Variants in RFTN2 observed in about 807,000 individuals in gnomAD.
RFTN2 encodes the protein raftlin-2.
Under a neutral mutation model 52.7 loss-of-function variants are expected in RFTN2, and 34 were observed. The ratio of observed to expected loss-of-function variants is 0.64; its 90% CI spans 0.49 to 0.86. The LOEUF is 0.86. Ranked by LOEUF, RFTN2 falls within the 40% of genes least tolerant of loss-of-function variation. The probability of loss-of-function intolerance (pLI) is 0.00; values close to 1 mark genes in which losing one functional copy is unlikely to be tolerated. For missense variants in RFTN2, 536 were observed against 600.1 expected (o/e 0.89, Z 1.12); for synonymous variants, 203 against 217.7 (o/e 0.93, Z 0.59).
intron 8 of RFTN2, among the ~76,000 whole-genome samples, chr2:197,588,256 T>C (rs1201489170): frequency 1.3e-5 from 2 of 152,250 alleles, no homozygotes; most frequent in African/African-American, 2.4e-5. Flanking sequence ...AGACGATGTA[T>C]AGAAACAGTA....
intron 8 of RFTN2, among the ~76,000 whole-genome samples, chr2:197,578,590 G>A (rs190494882): frequency 6.6e-6 from 1 of 152,082 alleles, no homozygotes; most frequent in Admixed American, 6.5e-5. Flanking sequence ...AGCCCTGCCC[G>A]CCAGAGAACA....
At chr2:197,651,704 A>G (rs2088830292) in intron 1 of RFTN2, among the ~76,000 whole-genome samples, 1 of 152,200 alleles carries the variant, frequency 6.6e-6, no homozygotes, top group Non-Finnish European at 1.5e-5. Flanking sequence ...TTCTTCTAGG[A>G]GTTTTATAGG....
intron 8 of RFTN2, among the ~76,000 whole-genome samples, chr2:197,594,979 T>C (rs991916209): frequency 9.2e-5 from 14 of 152,256 alleles, no homozygotes; most frequent in Admixed American, 6.5e-4. Context: ...CAACGTTTTC[T>C]TGATTTAGAT....
chr2:197,614,007 A>G (rs1001132717), intron 7 of RFTN2, among the ~76,000 whole-genome samples: 1 of 152,216 alleles, frequency 6.6e-6, no homozygotes, highest in Non-Finnish European at 1.5e-5. Flanking sequence ...CAACTTTGAC[A>G]GTTTAAAATG....
At chr2:197,620,323 C>A (rs2088240982) in intron 5 of RFTN2, among the ~76,000 whole-genome samples, 2 of 152,060 alleles carry the variant, frequency 1.3e-5, no homozygotes, top group South Asian at 4.2e-4. Flanking sequence ...AACCAGCTGG[C>A]CTACACAAAC....
rs750346710 is a variant in RFTN2 at position 197,644,157 on chromosome 2, C to A, written c.438+1G>T. 1 of 1,553,692 alleles carries A rather than the reference C, an allele frequency of 6.4e-7. No homozygotes were observed. On this transcript the variant is annotated splice_donor_variant, in intron 3 of 8. Coordinates refer to ENST00000295049, the MANE Select transcript of RFTN2 (RefSeq NM_144629.3). LOFTEE classifies it high-confidence loss of function. ...CATGAAAAAGTGCATAAATTTAGTACCTTTTCTATCAGTTCTTTTGCTGCG... is the reference window on the plus strand; with the variant it reads ...CATGAAAAAGTGCATAAATTTAGTAACTTTTCTATCAGTTCTTTTGCTGCG...
At chr2:197,629,266 TA>T (rs562369212) in intron 5 of RFTN2, among the ~76,000 whole-genome samples, 63 of 152,210 alleles carry the variant, frequency 4.1e-4, no homozygotes, top group Middle Eastern at 3.4e-3. Flanking sequence ...TATGCAGCCA[TA>T]AAAAAGGATG....
At chr2:197,581,128 G>C (rs1368699102) in intron 8 of RFTN2, among the ~76,000 whole-genome samples, 1 of 152,016 alleles carries the variant, frequency 6.6e-6, no homozygotes, top group Non-Finnish European at 1.5e-5. Flanking sequence ...AGGCTTTAAG[G>C]GGATTAAAGC....
intron 5 of RFTN2, among the ~76,000 whole-genome samples, chr2:197,619,358 A>G (rs954519242): frequency 1.3e-5 from 2 of 152,130 alleles, no homozygotes; most frequent in African/African-American, 2.4e-5. Context: ...CTGTGTAGAA[A>G]GAGGTAGACA....
At chr2:197,645,887 G>A (rs1439203719) in intron 2 of RFTN2, among the ~76,000 whole-genome samples, 1 of 152,156 alleles carries the variant, frequency 6.6e-6, no homozygotes, top group African/African-American at 2.4e-5. Context: ...TTAGCTGGCT[G>A]TGGTGGCAGG....
rs538614078 is a variant in RFTN2, at chr2:197,591,515, G to A, written c.1233+4476C>T. On this transcript the variant is annotated intron_variant, in intron 8 of 8. Coordinates refer to ENST00000295049, the MANE Select transcript of RFTN2 (RefSeq NM_144629.3). ...CACCCAGTGGATACTGCACTGGGGCGGCAGGTGGAGCTGTCTGCCAGTCCC... is the reference window on the plus strand; with the variant it reads ...CACCCAGTGGATACTGCACTGGGGCAGCAGGTGGAGCTGTCTGCCAGTCCC... Among the ~76,000 whole-genome samples the A allele has an allele frequency of 1.3e-4, 20 of 152,346 alleles. 1 individual carries two copies. The South Asian group carries it at 3.7e-3, about 28-fold the overall frequency.
intron 3 of RFTN2, among the ~76,000 whole-genome samples, chr2:197,640,465 A>T (rs1447298350): frequency 1.3e-5 from 2 of 152,250 alleles, no homozygotes; most frequent in East Asian, 3.9e-4. Flanking sequence ...CGGTCCGAAA[A>T]GCGCAATATT....
chr2:197,637,663 A>G (rs1442117010), intron 3 of RFTN2, among the ~76,000 whole-genome samples: 1 of 151,656 alleles, frequency 6.6e-6, no homozygotes, highest in Non-Finnish European at 1.5e-5. Flanking sequence ...CGGTCTATCA[A>G]TTTTGTTGAT....
chr2:197,613,734 T>A lies in RFTN2; in HGVS notation c.1154+2142A>T, dbSNP rs1467998615. On this transcript the variant is annotated intron_variant, in intron 7 of 8. Transcript: ENST00000295049. ...CAAATGACCTTCATCCTATATTTCC[T>A]GTGTTGCAGGCACTTGGCAGGACTC... 3.3e-5 allele frequency among the ~76,000 whole-genome samples: 5 copies of A among 152,334 alleles called. No homozygotes were observed. The South Asian group carries it at 1.0e-3, about 32-fold the overall frequency.
In RFTN2 at chr2:197,605,360, C is replaced by T. The variant is rs560856870; in HGVS notation, c.1155-9291G>A. On this transcript the variant is annotated intron_variant, in intron 7 of 8. Coordinates refer to ENST00000295049, the MANE Select transcript of RFTN2 (RefSeq NM_144629.3). Reference sequence around the variant, plus strand: ...CCTCCCAAGTAGCTGGGACTACAGGCGCCCGCCACCACGCCCGGCTAATTT... The same window carrying T: ...CCTCCCAAGTAGCTGGGACTACAGGTGCCCGCCACCACGCCCGGCTAATTT... Among the ~76,000 whole-genome samples, 19 of 152,048 alleles carry T rather than the reference C, an allele frequency of 1.2e-4. No individual in the cohort carries two copies. In the South Asian group the frequency reaches 3.5e-3, roughly 28 times the overall value.
intron 3 of RFTN2, among the ~76,000 whole-genome samples, chr2:197,638,191 G>GGT (rs2088601217): frequency 7.8e-6 from 1 of 127,682 alleles, no homozygotes; most frequent in Non-Finnish European, 1.7e-5. Flanking sequence ...GGTGTGGTGT[G>GGT]GTGCTGAAAA....
intron 8 of RFTN2, among the ~76,000 whole-genome samples, chr2:197,578,190 T>A (rs2106163883): frequency 6.6e-6 from 1 of 152,242 alleles, no homozygotes; most frequent in African/African-American, 2.4e-5. Context: ...AGAGGCCAAG[T>A]CTCACACACT....
intron 5 of RFTN2, among the ~76,000 whole-genome samples, chr2:197,619,579 T>C (rs1456387238): frequency 6.8e-6 from 1 of 147,502 alleles, no homozygotes; most frequent in Non-Finnish European, 1.5e-5. Flanking sequence ...CTCCCTAATC[T>C]CAAGTACCCA....
chr2:197,650,646 A>G lies in RFTN2; in HGVS notation c.140-3980T>C, dbSNP rs539060331. On this transcript the variant is annotated intron_variant, in intron 1 of 8. Coordinates refer to ENST00000295049, the MANE Select transcript of RFTN2 (RefSeq NM_144629.3). ...AGATTTCCTTCCTTTTTAAGATTGA[A>G]TAATATTCCATTGAATATATATACC... 3.3e-5 allele frequency among the ~76,000 whole-genome samples: 5 copies of G among 152,332 alleles called. No individual in the cohort carries two copies. In the East Asian group the frequency reaches 7.7e-4, roughly 23 times the overall value.
Sources: gnomAD v4.1 joint callset for allele counts (sites outside exome capture counted in the v4.1 genomes callset) on GRCh38, gnomAD v4.1.1 for gene constraint, MANE v1.5 for transcripts, NCBI Gene and HGNC (gene_info 2026-07-23, HGNC 2026-07-21) for gene names.